DLG2: variants seen among roughly 807,000 people sequenced by gnomAD.
The protein encoded by DLG2 is disks large homolog 2.
DLG2 carries 45 observed loss-of-function variants against 132.5 expected under a neutral mutation model. That is an observed-to-expected ratio of 0.34 (90% CI 0.27 to 0.44). The LOEUF (loss-of-function observed/expected upper bound fraction) is 0.44, where lower values mean the gene tolerates loss of function less well. DLG2 is among the 20% of genes least tolerant of loss of function. The pLI is 1.00. For missense variants in DLG2, 1,045 were observed against 1,196.9 expected, an observed-to-expected ratio of 0.87 and a Z score of 1.87; for synonymous variants, 424 against 419.6, an observed-to-expected ratio of 1.01 and a Z score of -0.13.
At chr11:85,527,646 G>A (rs1163844731) in intron 3 of DLG2, among the ~76,000 whole-genome samples, 1 of 152,084 alleles carries the variant, frequency 6.6e-6, no homozygotes, top group Non-Finnish European at 1.5e-5. Context: ...AAATAGTGCT[G>A]CAATAAACAT....
At chr11:84,363,919 A>G (rs568564988) in intron 7 of DLG2, among the ~76,000 whole-genome samples, 4 of 152,024 alleles carry the variant, frequency 2.6e-5, no homozygotes, top group African/African-American at 7.3e-5. Flanking sequence ...GTAGCCTTGT[A>G]GTATAGTTTG....
chr11:85,255,310 CCA>C (rs2076613370), intron 4 of DLG2, among the ~76,000 whole-genome samples: 1 of 152,096 alleles, frequency 6.6e-6, no homozygotes, highest in African/African-American at 2.4e-5. Context: ...TTGATATTTA[CCA>C]CAGTTAAATC....
intron 26 of DLG2, among the ~76,000 whole-genome samples, chr11:83,463,089 A>G (rs78682100): frequency 0.014 from 2,148 of 152,236 alleles, 55 homozygotes; most frequent in African/African-American, 0.049. Flanking sequence ...GCCTTAGTCA[A>G]TTCCTTTCGA....
At chr11:85,296,771 G>A (rs2079249602) in intron 3 of DLG2, among the ~76,000 whole-genome samples, 1 of 151,084 alleles carries the variant, frequency 6.6e-6, no homozygotes, top group Non-Finnish European at 1.5e-5. Context: ...GAACATGCTT[G>A]TAAACACCTG....
chr11:83,575,200 A>G (rs1006411080), intron 19 of DLG2, among the ~76,000 whole-genome samples: 4 of 152,224 alleles, frequency 2.6e-5, no homozygotes, highest in African/African-American at 9.6e-5. Context: ...AAAAGTAAAT[A>G]AAATCAGACA....
At chr11:84,252,924 G>T (rs1225291049) in intron 7 of DLG2, among the ~76,000 whole-genome samples, 1 of 152,210 alleles carries the variant, frequency 6.6e-6, no homozygotes, top group Non-Finnish European at 1.5e-5. Context: ...AGAGTTAACA[G>T]CTTTTTAATG....
chr11:85,532,683 T>C (rs563184625), intron 3 of DLG2, among the ~76,000 whole-genome samples: 1 of 152,328 alleles, frequency 6.6e-6, no homozygotes, highest in East Asian at 1.9e-4. Context: ...AATCTGTTAA[T>C]AGCTCCACTG....
intron 6 of DLG2, among the ~76,000 whole-genome samples, chr11:84,825,728 C>T (rs748415179): frequency 2.4e-4 from 37 of 151,934 alleles, no homozygotes; most frequent in Non-Finnish European, 2.4e-4. Context: ...TATAAACCAG[C>T]AGGATGCAAA....
intron 22 of DLG2, chr11:83,480,573 A>ATG: frequency 1.3e-6 from 2 of 1,546,840 alleles, no homozygotes. Flanking sequence ...GATAAAGAAG[A>ATG]TGAAAACTTT....
At chr11:85,412,439 G>A (rs775657378) in intron 3 of DLG2, among the ~76,000 whole-genome samples, 2 of 151,302 alleles carry the variant, frequency 1.3e-5, no homozygotes, top group Non-Finnish European at 3.0e-5. Context: ...TTCTTTAGTC[G>A]CGATTTGTGA....
At chr11:85,442,525 A>C (rs997797639) in intron 3 of DLG2, among the ~76,000 whole-genome samples, 2 of 152,160 alleles carry the variant, frequency 1.3e-5, no homozygotes, top group African/African-American at 4.8e-5. Flanking sequence ...ATTACCAGGG[A>C]TGAGAAAGTT....
chr11:83,519,116 A>G (rs569100263), intron 21 of DLG2, among the ~76,000 whole-genome samples: 76 of 152,300 alleles, frequency 5.0e-4, no homozygotes, highest in African/African-American at 1.4e-3. Context: ...CCAAGGTGTC[A>G]GTCTCAGTAC....
At chr11:83,813,281 A>T (rs930034308) in intron 17 of DLG2, among the ~76,000 whole-genome samples, 1 of 152,206 alleles carries the variant, frequency 6.6e-6, no homozygotes, top group Non-Finnish European at 1.5e-5. Context: ...AGTCCATTTG[A>T]GGACCAGCCT....
chr11:85,407,836 T>C (rs931315756), intron 3 of DLG2, among the ~76,000 whole-genome samples: 1 of 151,812 alleles, frequency 6.6e-6, no homozygotes, highest in African/African-American at 2.4e-5. Context: ...TTAATTTCCA[T>C]GTACTCCAGT....
At chr11:84,830,454 G>A (rs1371846392) in intron 6 of DLG2, among the ~76,000 whole-genome samples, 1 of 151,020 alleles carries the variant, frequency 6.6e-6, no homozygotes, top group Non-Finnish European at 1.5e-5. Flanking sequence ...GGTGAAGTGA[G>A]AAAGAGTGAA....
At chr11:85,083,715 G>C (rs1254406465) in intron 6 of DLG2, among the ~76,000 whole-genome samples, 1 of 152,126 alleles carries the variant, frequency 6.6e-6, no homozygotes, top group African/African-American at 2.4e-5. Flanking sequence ...CAACAGAAGA[G>C]AGTATGTGGG....
At chr11:84,676,520 A>G (rs2099711392) in intron 6 of DLG2, among the ~76,000 whole-genome samples, 1 of 152,090 alleles carries the variant, frequency 6.6e-6, no homozygotes, top group Non-Finnish European at 1.5e-5. Flanking sequence ...ACATCTACTA[A>G]TAAAGGGAAA....
chr11:84,033,055 G>A lies in DLG2; in HGVS notation c.919+26260C>T, dbSNP rs190098801. ...AGTCACCAAGAGCTCTTATGCAGAT[G>A]TGCAAAAACATTAATGTTTTCATGT... On this transcript the variant is annotated intron_variant, in intron 11 of 27. Coordinates refer to ENST00000376104, the MANE Select transcript of DLG2 (RefSeq NM_001142699.3). 7.2e-5 allele frequency among the ~76,000 whole-genome samples: 11 copies of A among 152,296 alleles called. No individual in the cohort carries two copies. In the East Asian group the frequency reaches 1.9e-3, roughly 27 times the overall value.
At chr11:84,203,443 G>T (rs954003931) in intron 8 of DLG2, among the ~76,000 whole-genome samples, 2 of 151,976 alleles carry the variant, frequency 1.3e-5, no homozygotes, top group East Asian at 3.9e-4. Context: ...TTAGCTGGGC[G>T]TGGTGGCGGG....
Sources: allele counts gnomAD v4.1 joint callset (sites outside exome capture counted in the v4.1 genomes callset), GRCh38; gene constraint gnomAD v4.1.1; transcripts MANE v1.5; gene names NCBI Gene and HGNC (gene_info 2026-07-23, HGNC 2026-07-21).